The following USP40 variants were observed in gnomAD, a reference collection of about 807,000 sequenced individuals.
USP40 encodes ubiquitin specific peptidase 40, also known as ubiquitin carboxyl-terminal hydrolase 40.
Under a neutral mutation model 166.2 loss-of-function variants are expected in USP40, and 143 were observed. That is an observed-to-expected ratio of 0.86 (90% CI 0.75 to 0.99). The LOEUF is 0.99. Among genes scored for constraint, USP40 ranks in the 50% least tolerant of loss-of-function variants. USP40 has a pLI of 0.00. For missense variants in USP40, 1,444 were observed against 1,479.7 expected (o/e 0.98, Z 0.40); for synonymous variants, 498 against 524.0 (o/e 0.95, Z 0.68).
rs184900157 is a variant in USP40 at position 233,556,409 on chromosome 2, T to C, written c.546+446A>G. On this transcript the variant is annotated intron_variant, in intron 5 of 31. Transcript: ENST00000678225. ...TAATATATAAACATAAGCACACATA[T>C]ATAAATGAACTTTCTGAAGAATATT... is the stretch of plus-strand genomic sequence containing the variant. Among the ~76,000 whole-genome samples the C allele has an allele frequency of 6.4e-3, 978 of 152,246 alleles. 4 individuals carry two copies. Among genetic ancestry groups the C allele is most frequent in the African/African-American group, 0.022 (925 of 41,554 alleles).
intron 7 of USP40, among the ~76,000 whole-genome samples, chr2:233,550,287 G>A (rs981127282): frequency 4.6e-5 from 7 of 152,092 alleles, no homozygotes; most frequent in African/African-American, 1.7e-4. Flanking sequence ...AAAGTAAAAT[G>A]AATGTGGACT....
At chr2:233,520,466 T>A (rs2067575696) in intron 17 of USP40, among the ~76,000 whole-genome samples, 2 of 152,100 alleles carry the variant, frequency 1.3e-5, no homozygotes, top group African/African-American at 4.8e-5. Flanking sequence ...TGAGACTACA[T>A]AAATATAAAA....
rs1263181637 is a variant in USP40, at chr2:233,485,770, G to A, written c.3405C>T (p.Ser1135=). The change falls in exon 29 of 32, where the codon AGC becomes AGT. Residue 1135 remains serine, a synonymous_variant. Coordinates refer to ENST00000678225, the MANE Select transcript of USP40 (RefSeq NM_001365479.2). ...TGAGACAGCCCCACAACTTTACCCA[G>A]CTAGATATCGGAAGCCACTCGAACT... ...PEKFEWLPIS[S]WNQQITKRKK... 6.2e-7 allele frequency: 1 copy of A among 1,612,904 alleles called. No homozygotes were observed. Among genetic ancestry groups the A allele is most frequent in the East Asian group, 2.2e-5 (1 of 44,890 alleles).
At chr2:233,500,354 C>T (rs555381910) in intron 21 of USP40, among the ~76,000 whole-genome samples, 3 of 152,274 alleles carry the variant, frequency 2.0e-5, no homozygotes, top group Admixed American at 6.5e-5. Flanking sequence ...TGAATTTCCC[C>T]GTTTTCCCTA....
intron 28 of USP40, 88 bp downstream of exon 28, chr2:233,488,151 G>A (rs1463320355): frequency 9.1e-7 from 1 of 1,101,560 alleles, no homozygotes; most frequent in Non-Finnish European, 1.4e-6. Flanking sequence ...TGAAAAAAAT[G>A]CTACACTATG....
chr2:233,477,559 G>C (rs2064251977), intron 31 of USP40, 56 bp from the exon 32 acceptor site: 1 of 1,498,292 alleles, frequency 6.7e-7, no homozygotes, highest in East Asian at 2.3e-5. Flanking sequence ...GTCAGGGTGA[G>C]GGGTTCACGA....
chr2:233,477,009 C>G lies in USP40; in HGVS notation c.*383G>C. On this transcript the variant is annotated 3_prime_UTR_variant, in exon 32 of 32. Transcript: ENST00000678225. ...GTCATCTGAACACGGAGGAAAGTGGCTGGCCTGACCCCACACACCTCCCAC... is the reference window on the plus strand; with the variant it reads ...GTCATCTGAACACGGAGGAAAGTGGGTGGCCTGACCCCACACACCTCCCAC... The G allele has an allele frequency of 3.0e-6, 1 of 336,756 alleles. No homozygotes were observed. Among genetic ancestry groups the G allele is most frequent in the Non-Finnish European group, 5.8e-6 (1 of 173,526 alleles). The allele number at this position is 336,756 out of a possible 1,614,324, so 20.9% of individuals were successfully genotyped here. A position where few individuals can be genotyped will look rare whatever the true frequency, so the allele number is the denominator to read the frequency against.
At chr2:233,525,289 T>C (rs1334699136) in intron 14 of USP40, among the ~76,000 whole-genome samples, 189 bp downstream of exon 14, 1 of 152,228 alleles carries the variant, frequency 6.6e-6, no homozygotes, top group Admixed American at 6.5e-5. Flanking sequence ...ATTTCACACA[T>C]TATATAAACT....
rs181059253 is a variant in USP40, at chr2:233,525,889, T to G, written c.1726-327A>C. Among the ~76,000 whole-genome samples, 8 of 152,322 alleles carry G rather than the reference T, an allele frequency of 5.3e-5. No individual in the cohort carries two copies. The East Asian group carries it at 1.5e-3, about 29-fold the overall frequency. ...TGATGAGCATGTCAGCCTAGGAATT[T>G]TTACTCAAAAGAGCAAGACTAATTT... On this transcript the variant is annotated intron_variant, in intron 13 of 31. Transcript: ENST00000678225.
At chr2:233,500,350 T>C (rs368468531) in intron 21 of USP40, among the ~76,000 whole-genome samples, 2 of 152,188 alleles carry the variant, frequency 1.3e-5, no homozygotes, top group African/African-American at 4.8e-5. Flanking sequence ...TGTCTGAATT[T>C]CCCCGTTTTC....
chr2:233,506,425 G>T (rs2066421256), intron 21 of USP40, among the ~76,000 whole-genome samples: 1 of 152,136 alleles, frequency 6.6e-6, no homozygotes, highest in Non-Finnish European at 1.5e-5. Context: ...GGAACACTAT[G>T]ACACTGGATT....
rs77315503 is a variant in USP40, at chr2:233,523,185, G to C, written c.2186C>G (p.Ser729Cys). ...AGCGAGTTACCTGTTATCATCATGA[G>C]AATCCTGAATTAAAATTGAGCTTCC... Reference protein sequence around the residue: ...RNGSSILIQDSHDDNSLLTKE... With the variant: ...RNGSSILIQDCHDDNSLLTKE... The change falls in exon 16 of 32, where the codon TCT becomes TGT. Residue 729 changes from serine to cysteine, a missense_variant. Ser to Cys is a moderately radical substitution (Grantham distance 112). Transcript: ENST00000678225. The C allele has an allele frequency of 9.2e-4, 1,479 of 1,610,230 alleles. 14 individuals carry two copies. In the African/African-American group the frequency reaches 0.017, roughly 19 times the overall value.
rs1355572622 is a variant in USP40, at chr2:233,493,663, A to AT, written c.2791-113dup. 2 of 1,228,024 alleles carry AT rather than the reference A, an allele frequency of 1.6e-6. No homozygotes were observed. Among genetic ancestry groups the AT allele is most frequent in the Non-Finnish European group, 2.2e-6 (2 of 923,992 alleles). The allele number at this position is 1,228,024 out of a possible 1,614,324, so 76.1% of individuals were successfully genotyped here. On this transcript the variant is annotated intron_variant, in intron 24 of 31. Coordinates refer to ENST00000678225, the MANE Select transcript of USP40 (RefSeq NM_001365479.2). This position sits in a 1 kb window ranked among gnomAD's most constrained non-coding sequence, Gnocchi z 4.7. The stretch of plus-strand genomic sequence containing the variant: ...GACCTAAGATGTTCTTGAACTTATC[A>AT]TTTTTCCTTTTAGATTTATTAACTG...
At chr2:233,491,284 G>A in intron 25 of USP40, 23 bp from the exon 26 acceptor site, 1 of 1,547,176 alleles carries the variant, frequency 6.5e-7, no homozygotes, top group African/African-American at 1.4e-5. Context: ...AGAGCGGGAT[G>A]TTTACAAGGA....
intron 21 of USP40, among the ~76,000 whole-genome samples, chr2:233,501,751 GA>G (rs1224277588): frequency 6.6e-6 from 1 of 152,352 alleles, no homozygotes; most frequent in East Asian, 1.9e-4. Context: ...CTGAAAAAGA[GA>G]AAAATATGAG....
At chr2:233,496,919 T>C in intron 23 of USP40, 87 bp from the exon 24 acceptor site, 1 of 948,324 alleles carries the variant, frequency 1.1e-6, no homozygotes, top group Non-Finnish European at 1.6e-6. Context: ...GCCTCTATTA[T>C]CTTTTCAAAA....
Position 233,512,621 on chromosome 2 carries a change from A to T in USP40, c.2385T>A (p.Ala795=). ...CAATAGGTCTCAAACAGCTGTTGTC[A>T]GCTATATATAAAAGGAATATTATTT... ...IKELKLMKEL[A]DNSCLRPIDR... The change falls in exon 19 of 32, where the codon GCT becomes GCA. Residue 795 remains alanine, a splice_region_variant and synonymous_variant. Coordinates refer to ENST00000678225, the MANE Select transcript of USP40 (RefSeq NM_001365479.2). The T allele has an allele frequency of 6.4e-7, 1 of 1,555,034 alleles. No individual in the cohort carries two copies. Among genetic ancestry groups the T allele is most frequent in the Non-Finnish European group, 8.7e-7 (1 of 1,148,434 alleles).
Position 233,489,271 on chromosome 2 carries a change from C to T in USP40, c.3131+94G>A, listed in dbSNP as rs915920815. On this transcript the variant is annotated intron_variant, in intron 27 of 31. Coordinates refer to ENST00000678225, the MANE Select transcript of USP40 (RefSeq NM_001365479.2). ...TGACCAGGAATGGGCTTTGTTGTCACTCAGCTCAGAAGACTGATTCCTCCT... is the reference window on the plus strand; with the variant it reads ...TGACCAGGAATGGGCTTTGTTGTCATTCAGCTCAGAAGACTGATTCCTCCT... The T allele has an allele frequency of 3.5e-5, 43 of 1,228,836 alleles. No homozygotes were observed. The African/African-American group carries it at 6.3e-4, about 18-fold the overall frequency. 76.1% of individuals were successfully genotyped at this position (1,228,836 alleles called of 1,614,324 possible).
In USP40 at chr2:233,551,470, C is replaced by G; in HGVS notation, c.743G>C (p.Arg248Thr). The stretch of plus-strand genomic sequence containing the variant: ...GCATTTCACAAAATCAAAATTAAAT[C>G]TTAGTAATGAAACAGTAAGAAAAGG... ...LPPFLTVSLL[R>T]FNFDFVKCER... The change falls in exon 7 of 32, where the codon AGA (arginine) becomes ACA (threonine). Residue 248 changes from arginine to threonine, a missense_variant. Transcript: ENST00000678225. 1.2e-6 allele frequency: 2 copies of G among 1,610,564 alleles called. No individual in the cohort carries two copies. The highest frequency in any genetic ancestry group is 1.1e-5 in the South Asian group (1 of 90,146).
Sources: allele counts gnomAD v4.1 joint callset (sites outside exome capture counted in the v4.1 genomes callset), GRCh38; gene constraint gnomAD v4.1.1; non-coding constraint Gnocchi (gnomAD v3.1); transcripts MANE v1.5; gene names NCBI Gene and HGNC (gene_info 2026-07-23, HGNC 2026-07-21).